Variants in TMPRSS12 observed in about 807,000 individuals in gnomAD.
TMPRSS12 encodes the protein transmembrane serine protease 12.
A neutral mutation model predicts 26.0 loss-of-function variants in TMPRSS12; 25 were observed. That is an observed-to-expected ratio of 0.96 (90% CI 0.70 to 1.34). TMPRSS12 has a LOEUF of 1.34. TMPRSS12 is among the 40% of genes most tolerant of loss of function. TMPRSS12 has a pLI of 0.00. For synonymous variants in TMPRSS12, 150 were observed against 161.7 expected (o/e 0.93, Z 0.55); for missense variants, 441 against 440.1 (o/e 1.00, Z -0.02).
Position 50,858,944 on chromosome 12 carries a change from G to A in TMPRSS12, c.543G>A (p.Val181=), listed in dbSNP as rs1316971793. Residue 181 remains valine (V), a synonymous_variant, in exon 3 of 5, where the codon GTG becomes GTA. Transcript: ENST00000398458. The stretch of plus-strand genomic sequence containing the variant: ...CACTTTTTCACTTAAAAAAAGCAGT[G>A]AGGTATAATGACTATATTCAGCCTA... ...DIALFHLKKA[V]RYNDYIQPIC... is the part of the protein sequence containing the mutation. 1.6e-5 allele frequency: 26 copies of A among 1,589,462 alleles called. No homozygotes were observed. Among genetic ancestry groups the A allele is most frequent in the Non-Finnish European group, 2.1e-5 (25 of 1,166,560 alleles).
intron 3 of TMPRSS12, among the ~76,000 whole-genome samples, chr12:50,872,967 A>C (rs1246580323): frequency 6.6e-6 from 1 of 150,810 alleles, no homozygotes; most frequent in Non-Finnish European, 1.5e-5. Context: ...ATATATGTAC[A>C]TATATATGAC....
At chr12:50,844,059 A>G in intron 2 of TMPRSS12, 22 bp downstream of exon 2, 1 of 1,494,564 alleles carries the variant, frequency 6.7e-7, no homozygotes, top group Non-Finnish European at 8.9e-7. Flanking sequence ...GAACACAACT[A>G]TTTTTATGCT....
At chr12:50,864,697 C>T (rs564853129) in intron 3 of TMPRSS12, among the ~76,000 whole-genome samples, 11 of 152,230 alleles carry the variant, frequency 7.2e-5, no homozygotes, top group Middle Eastern at 3.4e-3. Flanking sequence ...CTTGCTCTGT[C>T]ACCCAGCTGG....
chr12:50,877,208 G>A (rs73294460), intron 3 of TMPRSS12, among the ~76,000 whole-genome samples: 6,611 of 152,146 alleles, frequency 0.043, 498 homozygotes, highest in African/African-American at 0.15. Flanking sequence ...CCCTGAATCT[G>A]AAATAAAAGT....
intron 3 of TMPRSS12, among the ~76,000 whole-genome samples, chr12:50,864,188 G>A (rs1394241628): frequency 1.3e-5 from 2 of 152,096 alleles, no homozygotes; most frequent in East Asian, 3.9e-4. Context: ...TTCAAGCTGA[G>A]AATTTAGTTT....
chr12:50,881,335 G>A (rs1938162154), intron 3 of TMPRSS12, among the ~76,000 whole-genome samples: 4 of 152,068 alleles, frequency 2.6e-5, no homozygotes, highest in Admixed American at 2.6e-4. Context: ...TTACAAGTGA[G>A]CATAGGAGGA....
chr12:50,871,556 A>C (rs1938042610), intron 3 of TMPRSS12, among the ~76,000 whole-genome samples: 1 of 152,232 alleles, frequency 6.6e-6, no homozygotes, highest in South Asian at 2.1e-4. Context: ...ATGACCAAGA[A>C]GCCAAAAGCA....
At chr12:50,872,617 G>A (rs1328966480) in intron 3 of TMPRSS12, among the ~76,000 whole-genome samples, 1 of 118,956 alleles carries the variant, frequency 8.4e-6, no homozygotes, top group East Asian at 2.6e-4. Context: ...TATATATGAC[G>A]TATATATGTA....
intron 3 of TMPRSS12, among the ~76,000 whole-genome samples, chr12:50,879,252 C>T (rs933311786): frequency 2.6e-5 from 4 of 151,924 alleles, no homozygotes; most frequent in South Asian, 2.1e-4. Flanking sequence ...TTGGATTAGG[C>T]GATGATTTCT....
chr12:50,872,499 G>A (rs1382536463), intron 3 of TMPRSS12, among the ~76,000 whole-genome samples: 10 of 109,624 alleles, frequency 9.1e-5, no homozygotes, highest in East Asian at 2.9e-4. Flanking sequence ...TGGCCTGGGC[G>A]ACAGAGCGAG....
intron 3 of TMPRSS12, 67 bp downstream of exon 3, chr12:50,859,120 TTA>T: frequency 7.2e-7 from 1 of 1,381,260 alleles, no homozygotes; most frequent in Non-Finnish European, 9.7e-7. Context: ...GTCAAACCTT[TTA>T]TATACATTCA....
chr12:50,886,983 ATCC>A, intron 4 of TMPRSS12: 1 of 325,338 alleles, frequency 3.1e-6, no homozygotes, highest in Non-Finnish European at 5.6e-6. Context: ...ATATTTAAAA[ATCC>A]AAACAATTTG....
At chr12:50,859,960 T>G (rs1937919430) in intron 3 of TMPRSS12, among the ~76,000 whole-genome samples, 1 of 152,192 alleles carries the variant, frequency 6.6e-6, no homozygotes, top group Admixed American at 6.6e-5. Context: ...GTATTATAGG[T>G]TCTTATAAAA....
intron 3 of TMPRSS12, among the ~76,000 whole-genome samples, chr12:50,867,450 A>G (rs1020940081): frequency 6.6e-6 from 1 of 152,226 alleles, no homozygotes; most frequent in Non-Finnish European, 1.5e-5. Flanking sequence ...GAAAATATGA[A>G]CAAAGCCTCC....
intron 4 of TMPRSS12, chr12:50,886,206 A>G (rs935510763): frequency 6.6e-6 from 1 of 152,142 alleles, no homozygotes; most frequent in Admixed American, 6.6e-5. Flanking sequence ...CAAGTCCCTT[A>G]CCAGATACAT....
In TMPRSS12 at chr12:50,887,388, T is replaced by C. The variant is rs755508729; in HGVS notation, c.922T>C (p.Phe308Leu). ...TCCTGGTGTCTATATTGGGCCATCC[T>C]TCTACCAAAAGTGGCTGACAGAGCA... ...GFPGVYIGPS[F>L]YQKWLTEHFF... The change falls in exon 5 of 5, where the codon TTC (phenylalanine) becomes CTC (leucine). Residue 308 changes from phenylalanine (F) to leucine (L), a missense_variant. Physicochemically the swap from Phe to Leu is conservative, Grantham distance 22. Coordinates refer to ENST00000398458, the MANE Select transcript of TMPRSS12 (RefSeq NM_182559.3). 26 of 1,613,848 alleles carry C rather than the reference T, an allele frequency of 1.6e-5. No homozygotes were observed. The highest frequency in any genetic ancestry group is 2.1e-5 in the Non-Finnish European group (25 of 1,179,876).
chr12:50,864,339 A>G (rs373686825), intron 3 of TMPRSS12, among the ~76,000 whole-genome samples: 1 of 152,164 alleles, frequency 6.6e-6, no homozygotes, highest in East Asian at 1.9e-4. Flanking sequence ...AATGGATTAC[A>G]ATAAAAAGAT....
chr12:50,881,111 A>G (rs1184825132), intron 3 of TMPRSS12, among the ~76,000 whole-genome samples: 3 of 151,312 alleles, frequency 2.0e-5, no homozygotes, highest in African/African-American at 4.9e-5. Flanking sequence ...CCTCCCGAGT[A>G]GCTGGGATTA....
rs961121804 is a variant in TMPRSS12, at chr12:50,887,573, T to C, written c.*60T>C. ...ATTGTGTCCCTTTCTATGTTCTATA[T>C]AATGAACATCATTTATTCTTCTAGC... On this transcript the variant is annotated 3_prime_UTR_variant, in exon 5 of 5. Transcript: ENST00000398458. 3.3e-6 allele frequency: 5 copies of C among 1,537,978 alleles called. No individual in the cohort carries two copies. The East Asian group carries it at 6.8e-5, about 21-fold the overall frequency.
Sources: allele counts gnomAD v4.1 joint callset (sites outside exome capture counted in the v4.1 genomes callset), GRCh38; gene constraint gnomAD v4.1.1; transcripts MANE v1.5; gene names NCBI Gene and HGNC (gene_info 2026-07-23, HGNC 2026-07-21).